The following METTL22 variants were observed in gnomAD, a reference collection of about 807,000 sequenced individuals.
The protein encoded by METTL22 is methyltransferase-like protein 22.
METTL22 carries 51 observed loss-of-function variants against 48.4 expected under a neutral mutation model. The observed-to-expected ratio is 1.05, with a 90% CI of 0.84 to 1.33. The LOEUF (loss-of-function observed/expected upper bound fraction) is 1.33, where lower values mean the gene tolerates loss of function less well. METTL22 is among the 40% of genes most tolerant of loss of function. The probability of loss-of-function intolerance (pLI) is 0.00; values close to 1 mark genes in which losing one functional copy is unlikely to be tolerated. For missense variants in METTL22, 678 were observed against 526.9 expected, an observed-to-expected ratio of 1.29 and a Z score of -2.81; for synonymous variants, 255 against 214.1, an observed-to-expected ratio of 1.19 and a Z score of -1.67.
chr16:8,646,002 G>T, intron 10 of METTL22, 106 bp from the exon 11 acceptor site: 1 of 1,544,536 alleles, frequency 6.5e-7, no homozygotes, highest in Non-Finnish European at 8.7e-7. Flanking sequence ...CTCCGTGGCT[G>T]ACGTGTTGTC....
intron 3 of METTL22, chr16:8,631,752 G>C (rs750306127): frequency 4.6e-5 from 7 of 152,222 alleles, no homozygotes; most frequent in Non-Finnish European, 1.0e-4. Flanking sequence ...TAGCCCTAGA[G>C]TTTCTCATGG....
chr16:8,644,489 T>A (rs1347260151), intron 9 of METTL22, 68 bp from the exon 10 acceptor site: 17 of 1,458,622 alleles, frequency 1.2e-5, no homozygotes, highest in African/African-American at 5.7e-5. Context: ...GAAAGCAAGG[T>A]GGGCAGAAAC....
downstream of METTL22, among the ~76,000 whole-genome samples, chr16:8,653,519 A>G (rs532856074): frequency 5.3e-5 from 8 of 152,362 alleles, no homozygotes; most frequent in African/African-American, 1.9e-4. Context: ...ATGGAAGAAG[A>G]AACTATTCTT....
At chr16:8,630,109 CT>C (rs1420737721) in intron 3 of METTL22, among the ~76,000 whole-genome samples, 1 of 152,156 alleles carries the variant, frequency 6.6e-6, no homozygotes, top group Non-Finnish European at 1.5e-5. Context: ...AGGGAAAGGC[CT>C]CCCCCAGCAC....
intron 1 of METTL22, among the ~76,000 whole-genome samples, chr16:8,623,205 T>A (rs1291135159): frequency 6.6e-6 from 1 of 151,628 alleles, no homozygotes; most frequent in African/African-American, 2.4e-5. Context: ...TCCCAGTTAC[T>A]CGGGACTCTG....
rs200769821 is a variant in METTL22, at chr16:8,625,720, A to G, written c.55A>G (p.Thr19Ala). 1.1e-4 allele frequency: 172 copies of G among 1,614,076 alleles called. No individual in the cohort carries two copies. Among genetic ancestry groups the G allele is most frequent in the Non-Finnish European group, 1.4e-4 (160 of 1,180,048 alleles). ...AMDEVTFRSD[T>A]VLSDVHLYTP... is the part of the protein sequence containing the mutation. ...GGACGAGGTCACCTTTAGGAGCGAC[A>G]CTGTGCTGTCAGATGTCCACCTCTA... Residue 19 changes from threonine (T) to alanine (A), a missense_variant, in exon 2 of 11, where the codon ACT (threonine) becomes GCT (alanine). Coordinates refer to ENST00000381920, the MANE Select transcript of METTL22 (RefSeq NM_024109.4).
At chr16:8,651,820 C>T (rs1009902933), downstream of METTL22, among the ~76,000 whole-genome samples, 2 of 151,966 alleles carry the variant, frequency 1.3e-5, no homozygotes, top group Admixed American at 1.3e-4. Context: ...ACAATGAGAA[C>T]ACAAGGACAT....
chr16:8,658,354 C>T, the METTL22 span, among the ~76,000 whole-genome samples: 3 of 152,192 alleles, frequency 2.0e-5, no homozygotes, highest in African/African-American at 7.2e-5. Flanking sequence ...CTGTTTTAAT[C>T]CCCCAGTTTG....
intron 3 of METTL22, among the ~76,000 whole-genome samples, chr16:8,632,577 TG>T (rs1465641339): frequency 2.0e-5 from 3 of 152,168 alleles, no homozygotes; most frequent in Non-Finnish European, 2.9e-5. Context: ...GTCCCCCTTC[TG>T]GGCTTCAGTG....
chr16:8,662,367 C>G, the METTL22 span, among the ~76,000 whole-genome samples: 2 of 145,416 alleles, frequency 1.4e-5, 1 homozygote, highest in African/African-American at 5.1e-5. Flanking sequence ...CTGAAGGAAT[C>G]CAGGAGCCTT....
At chr16:8,659,806 C>T in the METTL22 span, among the ~76,000 whole-genome samples, 1 of 151,972 alleles carries the variant, frequency 6.6e-6, no homozygotes, top group Non-Finnish European at 1.5e-5. Context: ...TCACTGCAGC[C>T]TCGACCTCCT....
At chr16:8,634,251 T>C (rs1426073305) in intron 3 of METTL22, among the ~76,000 whole-genome samples, 3 of 152,206 alleles carry the variant, frequency 2.0e-5, no homozygotes, top group Non-Finnish European at 4.4e-5. Context: ...ACAGTCGATT[T>C]CTTTCCTGGT....
chr16:8,641,850 GGGCCACA>G, intron 7 of METTL22: 1 of 557,616 alleles, frequency 1.8e-6, no homozygotes, highest in South Asian at 2.1e-5. Flanking sequence ...GTCCTGCACT[GGGCCACA>G]GGCCAAGGCA....
the METTL22 span, chr16:8,666,687 C>A: frequency 1.3e-5 from 2 of 152,126 alleles, no homozygotes; most frequent in Non-Finnish European, 2.9e-5. Context: ...ATCGTCACAG[C>A]CAGAATATGA....
chr16:8,662,296 T>C, the METTL22 span, among the ~76,000 whole-genome samples: 42 of 145,670 alleles, frequency 2.9e-4, 5 homozygotes, highest in African/African-American at 1.1e-3. Context: ...ACCGGTTCTG[T>C]CTTTCCATTG....
intron 3 of METTL22, among the ~76,000 whole-genome samples, 193 bp from the exon 4 acceptor site, chr16:8,634,846 C>A (rs976297802): frequency 6.6e-6 from 1 of 152,206 alleles, no homozygotes; most frequent in Non-Finnish European, 1.5e-5. Context: ...AAGCTCCCAT[C>A]CTCTGAGTGG....
chr16:8,626,762 T>A (rs1255497831), intron 2 of METTL22, among the ~76,000 whole-genome samples: 1 of 9,164 alleles, frequency 1.1e-4, no homozygotes, highest in Admixed American at 1.0e-3. Context: ...TCCTCTACTC[T>A]TTTTTTTTTT....
At chr16:8,636,088 A>G (rs187919728) in intron 5 of METTL22, among the ~76,000 whole-genome samples, 94 of 152,272 alleles carry the variant, frequency 6.2e-4, no homozygotes, top group African/African-American at 2.1e-3. Flanking sequence ...ATTGTACCCA[A>G]TAGGGAAGCT....
Position 8,625,696 on chromosome 16 carries a change from G to T in METTL22, c.31G>T (p.Asp11Tyr). 6.2e-7 allele frequency: 1 copy of T among 1,614,140 alleles called. No individual in the cohort carries two copies. Among genetic ancestry groups the T allele is most frequent in the Non-Finnish European group, 8.5e-7 (1 of 1,180,028 alleles). MVQLAPAAAM[D>Y]EVTFRSDTVL... ...ACAGCTGGCTCCTGCGGCAGCCATG[G>T]ACGAGGTCACCTTTAGGAGCGACAC... Residue 11 changes from aspartate (D) to tyrosine (Y), a missense_variant, in exon 2 of 11, where the codon GAC becomes TAC. Physicochemically the swap from Asp to Tyr is radical, Grantham distance 160. Coordinates refer to ENST00000381920, the MANE Select transcript of METTL22 (RefSeq NM_024109.4).
Sources: gnomAD v4.1 joint callset for allele counts (sites outside exome capture counted in the v4.1 genomes callset) on GRCh38, gnomAD v4.1.1 for gene constraint, MANE v1.5 for transcripts, NCBI Gene and HGNC (gene_info 2026-07-23, HGNC 2026-07-21) for gene names.